CSNK1G3: variants seen among roughly 807,000 people sequenced by gnomAD.
The protein encoded by CSNK1G3 is casein kinase 1 gamma 3.
A neutral mutation model predicts 64.3 loss-of-function variants in CSNK1G3; 23 were observed. The observed-to-expected ratio is 0.36, with a 90% CI of 0.26 to 0.51. The LOEUF is 0.51. Among genes scored for constraint, CSNK1G3 ranks in the 20% least tolerant of loss-of-function variants. CSNK1G3 has a pLI of 0.96. For missense variants in CSNK1G3, 357 were observed against 510.5 expected, an observed-to-expected ratio of 0.70 and a Z score of 2.90; for synonymous variants, 158 against 162.2, an observed-to-expected ratio of 0.97 and a Z score of 0.20.
chr5:123,556,489 A>G (rs1441549310), intron 3 of CSNK1G3, among the ~76,000 whole-genome samples: 1 of 151,752 alleles, frequency 6.6e-6, no homozygotes. Context: ...TTCTTCCTTC[A>G]TGATGCATTC....
intron 6 of CSNK1G3, among the ~76,000 whole-genome samples, chr5:123,585,247 G>A (rs1435295598): frequency 6.6e-6 from 1 of 151,768 alleles, no homozygotes; most frequent in Admixed American, 6.6e-5. Context: ...TATGAGAGTA[G>A]CTAGATATTA....
chr5:123,569,397 A>G (rs903778677), intron 4 of CSNK1G3, among the ~76,000 whole-genome samples: 2 of 152,218 alleles, frequency 1.3e-5, no homozygotes, highest in Non-Finnish European at 2.9e-5. Flanking sequence ...AATGTAGAGT[A>G]TAGAAATCAT....
intron 1 of CSNK1G3, among the ~76,000 whole-genome samples, chr5:123,535,377 A>G (rs140053637): frequency 6.6e-6 from 1 of 152,206 alleles, no homozygotes; most frequent in African/African-American, 2.4e-5. Context: ...TCGTAGGTCT[A>G]AGGTTCTATA....
chr5:123,604,769 G>A lies in CSNK1G3; in HGVS notation c.1132G>A (p.Ala378Thr), dbSNP rs781012613. The change falls in exon 11 of 13, where the codon GCA becomes ACA. Residue 378 changes from alanine (A) to threonine (T), a missense_variant. Transcript: ENST00000345990. ...AGAGTTAAACACAGATGACCCCACC[G>A]CAGGACGTTCAAATGCACCCATCAC... 37 of 1,611,410 alleles carry A rather than the reference G, an allele frequency of 2.3e-5. No individual in the cohort carries two copies. The highest frequency in any genetic ancestry group is 1.8e-4 in the Admixed American group (11 of 59,812).
intron 4 of CSNK1G3, among the ~76,000 whole-genome samples, chr5:123,563,021 A>T (rs1300462326): frequency 4.6e-5 from 7 of 151,896 alleles, no homozygotes; most frequent in African/African-American, 1.4e-4. Flanking sequence ...ACACTTCTTA[A>T]TTTTTTTTGA....
rs150514794 is a variant in CSNK1G3 at position 123,539,714 on chromosome 5, G to T, written c.-247-5703G>T. 2.0e-5 allele frequency among the ~76,000 whole-genome samples: 3 copies of T among 152,226 alleles called. No homozygotes were observed. In the East Asian group the frequency reaches 5.8e-4, roughly 29 times the overall value. ...CTCACAAAGTAAATTGATTATTCCT[G>T]TGTCCTGAAAGAGCTTTAGAACAGT... is the stretch of plus-strand genomic sequence containing the variant. On this transcript the variant is annotated intron_variant, in intron 1 of 12. Transcript: ENST00000345990.
At chr5:123,576,053 G>C (rs190207579) in intron 6 of CSNK1G3, 90 bp downstream of exon 6, 54 of 704,210 alleles carry the variant, frequency 7.7e-5, no homozygotes, top group Admixed American at 5.2e-4. Context: ...AGTTTTTGCA[G>C]ATTATAATAG....
intron 6 of CSNK1G3, among the ~76,000 whole-genome samples, chr5:123,579,767 A>G (rs1193588433): frequency 6.6e-6 from 1 of 152,032 alleles, no homozygotes; most frequent in Admixed American, 6.6e-5. Flanking sequence ...TCTTTCAGGA[A>G]TAAAATAAAA....
At chr5:123,596,945 C>T (rs1008644980) in intron 10 of CSNK1G3, among the ~76,000 whole-genome samples, 19 of 152,042 alleles carry the variant, frequency 1.2e-4, no homozygotes, top group African/African-American at 4.6e-4. Flanking sequence ...GTCCTATACA[C>T]TTTCAAAATT....
chr5:123,520,326 A>G (rs943494093), intron 1 of CSNK1G3, among the ~76,000 whole-genome samples: 3 of 152,176 alleles, frequency 2.0e-5, no homozygotes, highest in African/African-American at 4.8e-5. Flanking sequence ...AAATCCATCC[A>G]TCTTCTGGAA....
At chr5:123,592,006 T>G (rs1792457782) in intron 10 of CSNK1G3, among the ~76,000 whole-genome samples, 1 of 152,000 alleles carries the variant, frequency 6.6e-6, no homozygotes, top group African/African-American at 2.4e-5. Flanking sequence ...GAATCAAAAC[T>G]CTTGTGTCTG....
At chr5:123,593,571 C>T (rs908447602) in intron 10 of CSNK1G3, among the ~76,000 whole-genome samples, 8 of 151,942 alleles carry the variant, frequency 5.3e-5, no homozygotes, top group African/African-American at 1.9e-4. Context: ...CAAAATATTG[C>T]GCATTGCCCT....
At chr5:123,591,708 C>T (rs1169324062) in intron 10 of CSNK1G3, among the ~76,000 whole-genome samples, 2 of 152,108 alleles carry the variant, frequency 1.3e-5, no homozygotes, top group South Asian at 4.1e-4. Context: ...GACTTTCTAA[C>T]TGTAGTTTAG....
At chr5:123,560,497 AATGTGGT>A (rs1785473122) in intron 4 of CSNK1G3, among the ~76,000 whole-genome samples, 2 of 152,172 alleles carry the variant, frequency 1.3e-5, no homozygotes, top group African/African-American at 4.8e-5. Flanking sequence ...AAATGGATAA[AATGTGGT>A]ATATACATAA....
chr5:123,612,221 T>C (rs953121315), intron 12 of CSNK1G3, among the ~76,000 whole-genome samples: 2 of 152,220 alleles, frequency 1.3e-5, no homozygotes, highest in Admixed American at 6.5e-5. Flanking sequence ...AGTCGGTGTT[T>C]ACTGTTTGGT....
At chr5:123,579,945 T>C (rs1400064655) in intron 6 of CSNK1G3, among the ~76,000 whole-genome samples, 2 of 151,904 alleles carry the variant, frequency 1.3e-5, no homozygotes, top group African/African-American at 4.8e-5. Flanking sequence ...ATTTAAAAAG[T>C]TAAGAGTAAG....
At chr5:123,562,969 A>T (rs1430726267) in intron 4 of CSNK1G3, among the ~76,000 whole-genome samples, 6 of 152,074 alleles carry the variant, frequency 3.9e-5, no homozygotes, top group Non-Finnish European at 4.4e-5. Context: ...CATATTTGAA[A>T]TTTATGGGAA....
At chr5:123,527,544 A>C (rs1034021183) in intron 1 of CSNK1G3, among the ~76,000 whole-genome samples, 40 of 152,212 alleles carry the variant, frequency 2.6e-4, no homozygotes, top group Admixed American at 2.6e-3. Context: ...AGTCTGTTCT[A>C]TGAGGAGAGT....
chr5:123,609,645 A>T (rs1191858549), intron 12 of CSNK1G3, among the ~76,000 whole-genome samples: 11 of 152,188 alleles, frequency 7.2e-5, no homozygotes, highest in Admixed American at 7.2e-4. Flanking sequence ...AATGGATTTT[A>T]AGTGGAAAGA....
Sources: allele counts gnomAD v4.1 joint callset (sites outside exome capture counted in the v4.1 genomes callset), GRCh38; gene constraint gnomAD v4.1.1; transcripts MANE v1.5; gene names NCBI Gene and HGNC (gene_info 2026-07-23, HGNC 2026-07-21).